Variants in LYPD6B observed in about 807,000 individuals in gnomAD.
LYPD6B encodes the protein ly6/PLAUR domain-containing protein 6B.
In LYPD6B, 17 loss-of-function variants were observed where a neutral mutation model predicts 22.8. The observed-to-expected ratio is 0.75, with a 90% CI of 0.51 to 1.12. The LOEUF (loss-of-function observed/expected upper bound fraction) is 1.12, where lower values mean the gene tolerates loss of function less well. Ranked by LOEUF, LYPD6B falls within the 50% of genes most tolerant of loss-of-function variation. The probability of loss-of-function intolerance (pLI) is 0.00; values close to 1 mark genes in which losing one functional copy is unlikely to be tolerated. For missense variants in LYPD6B, 221 were observed against 258.3 expected, an observed-to-expected ratio of 0.86 and a Z score of 0.99; for synonymous variants, 106 against 91.6, an observed-to-expected ratio of 1.16 and a Z score of -0.90.
intron 1 of LYPD6B, among the ~76,000 whole-genome samples, chr2:149,110,621 A>G (rs1445543318): frequency 6.6e-6 from 1 of 152,172 alleles, no homozygotes; most frequent in Non-Finnish European, 1.5e-5. Flanking sequence ...TTTCAATCTG[A>G]CTACTGAAAA....
At chr2:149,041,500 G>A (rs1422265022) in intron 1 of LYPD6B, among the ~76,000 whole-genome samples, 1 of 152,168 alleles carries the variant, frequency 6.6e-6, no homozygotes, top group Non-Finnish European at 1.5e-5. Context: ...TGATTGTTTT[G>A]CCCAAGCTAT....
intron 1 of LYPD6B, among the ~76,000 whole-genome samples, chr2:149,062,419 C>G (rs1684131111): frequency 6.6e-6 from 1 of 152,102 alleles, no homozygotes; most frequent in Non-Finnish European, 1.5e-5. Flanking sequence ...TTTCTCTAGC[C>G]CATTTATCAG....
At chr2:149,145,913 C>T (rs1688991547) in intron 2 of LYPD6B, among the ~76,000 whole-genome samples, 1 of 152,204 alleles carries the variant, frequency 6.6e-6, no homozygotes, top group Non-Finnish European at 1.5e-5. Flanking sequence ...GAAGAAACAA[C>T]AGGCAACAGT....
At chr2:149,115,838 A>G (rs1423670989) in intron 1 of LYPD6B, among the ~76,000 whole-genome samples, 1 of 152,216 alleles carries the variant, frequency 6.6e-6, no homozygotes, top group Non-Finnish European at 1.5e-5. Context: ...TAAATGGAAA[A>G]TTCCAGAAAT....
At chr2:149,070,489 A>G (rs1371153728) in intron 1 of LYPD6B, among the ~76,000 whole-genome samples, 1 of 152,106 alleles carries the variant, frequency 6.6e-6, no homozygotes, top group African/African-American at 2.4e-5. Context: ...TAACCTTCCT[A>G]AGACTATGGT....
chr2:149,211,564 G>A (rs1693853602), intron 5 of LYPD6B, among the ~76,000 whole-genome samples: 1 of 151,462 alleles, frequency 6.6e-6, no homozygotes, highest in Admixed American at 6.6e-5. Context: ...GTTTGCTACT[G>A]TTTGTATTAT....
At chr2:149,139,891 G>T (rs1156499142) in intron 2 of LYPD6B, among the ~76,000 whole-genome samples, 1 of 152,176 alleles carries the variant, frequency 6.6e-6, no homozygotes, top group African/African-American at 2.4e-5. Flanking sequence ...TCTTACATTT[G>T]TTCAAGAAGG....
chr2:149,107,021 C>T (rs1279179381), intron 1 of LYPD6B, among the ~76,000 whole-genome samples: 2 of 152,108 alleles, frequency 1.3e-5, no homozygotes, highest in Non-Finnish European at 2.9e-5. Flanking sequence ...TATACATACG[C>T]ACCTATGATA....
chr2:149,057,253 T>A (rs535192876), intron 1 of LYPD6B, among the ~76,000 whole-genome samples: 24 of 152,240 alleles, frequency 1.6e-4, no homozygotes, highest in Non-Finnish European at 3.2e-4. Flanking sequence ...TTTTTATTAT[T>A]CTATTGGCAA....
intron 1 of LYPD6B, among the ~76,000 whole-genome samples, chr2:149,042,707 G>C (rs1195449164): frequency 2.6e-5 from 4 of 152,122 alleles, no homozygotes; most frequent in African/African-American, 7.2e-5. Flanking sequence ...AAGTCAGGCG[G>C]TGAGAAGTAC....
At chr2:149,211,603 A>G (rs1693855387) in intron 5 of LYPD6B, among the ~76,000 whole-genome samples, 1 of 152,070 alleles carries the variant, frequency 6.6e-6, no homozygotes, top group Admixed American at 6.5e-5. Context: ...CTATCAAAGC[A>G]TCAAGACACT....
In LYPD6B at chr2:149,080,069, G is replaced by A. The variant is rs565794122; in HGVS notation, c.-67+41268G>A. On this transcript the variant is annotated intron_variant, in intron 1 of 6. Coordinates refer to ENST00000409642, the MANE Select transcript of LYPD6B (RefSeq NM_177964.5). ...TTTTGTTAAGAGTTGCCATAACAGA[G>A]TAACAAACTGGTGGCTTAAGCAACA... Among the ~76,000 whole-genome samples, 5 of 152,290 alleles carry A rather than the reference G, an allele frequency of 3.3e-5. No homozygotes were observed. The South Asian group carries it at 1.0e-3, about 32-fold the overall frequency.
chr2:149,063,256 G>A (rs912466879), intron 1 of LYPD6B, among the ~76,000 whole-genome samples: 6 of 151,436 alleles, frequency 4.0e-5, no homozygotes, highest in Non-Finnish European at 5.9e-5. Flanking sequence ...TATTTTTTTC[G>A]GGCCAAGGGG....
chr2:149,079,681 T>C (rs903609332), intron 1 of LYPD6B, among the ~76,000 whole-genome samples: 1 of 152,172 alleles, frequency 6.6e-6, no homozygotes, highest in Non-Finnish European at 1.5e-5. Flanking sequence ...TGAAGAATAA[T>C]TCATTCTCGC....
chr2:149,106,962 T>TGGGC (rs1315533285), intron 1 of LYPD6B, among the ~76,000 whole-genome samples: 1 of 152,080 alleles, frequency 6.6e-6, no homozygotes, highest in East Asian at 1.9e-4. Context: ...CCCAGTGGAT[T>TGGGC]CTTGAAACCA....
At chr2:149,170,644 C>G (rs1690754190) in intron 3 of LYPD6B, among the ~76,000 whole-genome samples, 3 of 152,100 alleles carry the variant, frequency 2.0e-5, no homozygotes, top group Admixed American at 2.0e-4. Context: ...TGAGTAGGAG[C>G]TGTATTTTGA....
chr2:149,041,949 G>A (rs1347086699), intron 1 of LYPD6B, among the ~76,000 whole-genome samples: 1 of 152,242 alleles, frequency 6.6e-6, no homozygotes, highest in East Asian at 1.9e-4. Context: ...GTGGATTGGG[G>A]TGGAGGAGTT....
chr2:149,195,249 T>C (rs34093420), intron 3 of LYPD6B, among the ~76,000 whole-genome samples: 33,144 of 152,210 alleles, frequency 0.22, 4,632 homozygotes, highest in East Asian at 0.44. Flanking sequence ...GGACAGTCTG[T>C]GTCCACAAGC....
intron 3 of LYPD6B, among the ~76,000 whole-genome samples, chr2:149,192,965 T>G (rs1006875321): frequency 2.0e-5 from 3 of 152,054 alleles, no homozygotes. Context: ...CTGAAGTACA[T>G]GTGCTGTGCT....
Sources: gnomAD v4.1 joint callset for allele counts (sites outside exome capture counted in the v4.1 genomes callset) on GRCh38, gnomAD v4.1.1 for gene constraint, MANE v1.5 for transcripts, NCBI Gene and HGNC (gene_info 2026-07-23, HGNC 2026-07-21) for gene names.